Variants in SRBD1 observed in about 807,000 individuals in gnomAD.
SRBD1 encodes S1 RNA binding domain 1, also known as S1 RNA-binding domain-containing protein 1.
SRBD1 carries 88 observed loss-of-function variants against 115.3 expected under a neutral mutation model. The ratio of observed to expected loss-of-function variants is 0.76; its 90% CI spans 0.64 to 0.91. The LOEUF is 0.91. Ranked by LOEUF, SRBD1 falls within the 40% of genes least tolerant of loss-of-function variation. The pLI is 0.00. For synonymous variants in SRBD1, 509 were observed against 407.7 expected, an observed-to-expected ratio of 1.25 and a Z score of -2.99; for missense variants, 1,385 against 1,177.4, an observed-to-expected ratio of 1.18 and a Z score of -2.58.
intron 13 of SRBD1, 21 bp from the exon 14 acceptor site, chr2:45,546,860 G>A (rs755800111): frequency 1.9e-6 from 3 of 1,607,470 alleles, no homozygotes; most frequent in Non-Finnish European, 1.7e-6. Flanking sequence ...GAAACAGAAT[G>A]ACAAACTGAA....
At chr2:45,537,758 G>T (rs1671809846) in intron 14 of SRBD1, among the ~76,000 whole-genome samples, 2 of 152,162 alleles carry the variant, frequency 1.3e-5, no homozygotes, top group Non-Finnish European at 2.9e-5. Flanking sequence ...CCAAGTGGAA[G>T]GCGCTTTACT....
At chr2:45,415,676 G>C (rs1420435467) in intron 18 of SRBD1, among the ~76,000 whole-genome samples, 14 of 40,796 alleles carry the variant, frequency 3.4e-4, no homozygotes, top group East Asian at 1.3e-3. Context: ...GGGGAGGGGA[G>C]GGGAGGGGAC....
chr2:45,585,464 T>C, intron 5 of SRBD1, 144 bp downstream of exon 5: 2 of 867,896 alleles, frequency 2.3e-6, no homozygotes, highest in Non-Finnish European at 3.4e-6. Flanking sequence ...ATACACTCGC[T>C]AAATAAAGAG....
chr2:45,487,843 G>A (rs1034394021), intron 15 of SRBD1, among the ~76,000 whole-genome samples: 9 of 151,906 alleles, frequency 5.9e-5, no homozygotes, highest in Non-Finnish European at 8.8e-5. Context: ...TAGTAGAGAC[G>A]GAGTTTCACC....
chr2:45,499,678 T>TA (rs1373103174), intron 14 of SRBD1, among the ~76,000 whole-genome samples: 1 of 152,134 alleles, frequency 6.6e-6, no homozygotes, highest in Non-Finnish European at 1.5e-5. Context: ...TTATATATGG[T>TA]AAAAAACGGG....
intron 14 of SRBD1, among the ~76,000 whole-genome samples, chr2:45,509,983 C>T (rs1348633809): frequency 6.6e-6 from 1 of 152,166 alleles, no homozygotes; most frequent in Non-Finnish European, 1.5e-5. Flanking sequence ...GATCCTCTCA[C>T]CTTGGCCTCC....
intron 4 of SRBD1, among the ~76,000 whole-genome samples, chr2:45,590,033 C>A (rs1276351837): frequency 6.6e-6 from 1 of 152,184 alleles, no homozygotes; most frequent in East Asian, 1.9e-4. Context: ...TATTTCCAGG[C>A]AGCTAAACAG....
intron 14 of SRBD1, among the ~76,000 whole-genome samples, chr2:45,501,345 G>C (rs377729128): frequency 1.3e-5 from 2 of 152,202 alleles, no homozygotes; most frequent in East Asian, 1.9e-4. Context: ...GGCCAAATAG[G>C]AACAGCTCCA....
chr2:45,491,415 G>T (rs143767868), intron 14 of SRBD1, among the ~76,000 whole-genome samples: 1 of 152,288 alleles, frequency 6.6e-6, no homozygotes, highest in East Asian at 1.9e-4. Flanking sequence ...TGAAGCAGAT[G>T]ACTGAGCAGA....
At chr2:45,488,209 C>G in intron 15 of SRBD1, 31 bp downstream of exon 15, 1 of 1,585,298 alleles carries the variant, frequency 6.3e-7, no homozygotes. Context: ...ATCAAAATCA[C>G]ATGTTTTTGT....
chr2:45,438,563 A>C (rs145820163), intron 16 of SRBD1, among the ~76,000 whole-genome samples: 1,790 of 152,350 alleles, frequency 0.012, 16 homozygotes, highest in Middle Eastern at 0.027. Context: ...AGAATAAAGA[A>C]ATACAGCATC....
chr2:45,514,400 T>C (rs1466585498), intron 14 of SRBD1, among the ~76,000 whole-genome samples: 2 of 152,028 alleles, frequency 1.3e-5, no homozygotes, highest in Non-Finnish European at 2.9e-5. Flanking sequence ...CACAAGTGTA[T>C]GAGTATGAAC....
intron 16 of SRBD1, among the ~76,000 whole-genome samples, chr2:45,437,590 T>G (rs1668538481): frequency 6.6e-6 from 1 of 152,068 alleles, no homozygotes. Flanking sequence ...AAGACAGACA[T>G]GGTGGTACAT....
chr2:45,596,558 G>C (rs1005766565), intron 4 of SRBD1, among the ~76,000 whole-genome samples: 1 of 152,060 alleles, frequency 6.6e-6, no homozygotes. Context: ...CTTTAAGATG[G>C]TTTTTCTGAA....
chr2:45,599,418 A>T, intron 4 of SRBD1, 31 bp downstream of exon 4: 1 of 1,591,152 alleles, frequency 6.3e-7, no homozygotes, highest in Non-Finnish European at 8.6e-7. Context: ...CACTCAAAAC[A>T]ACTAAAGTGA....
chr2:45,436,234 A>G (rs1369189442), intron 16 of SRBD1, among the ~76,000 whole-genome samples: 1 of 152,220 alleles, frequency 6.6e-6, no homozygotes, highest in Non-Finnish European at 1.5e-5. Flanking sequence ...AATTCTCAAT[A>G]AACTAAGAAC....
chr2:45,464,522 G>GC (rs1272081419), intron 16 of SRBD1, among the ~76,000 whole-genome samples: 2 of 152,314 alleles, frequency 1.3e-5, no homozygotes, highest in African/African-American at 2.4e-5. Flanking sequence ...AGCTGTAAGT[G>GC]TCACCTCCAT....
intron 10 of SRBD1, among the ~76,000 whole-genome samples, chr2:45,554,537 A>G (rs544067106): frequency 2.0e-4 from 30 of 152,284 alleles, no homozygotes; most frequent in East Asian, 3.9e-4. Context: ...TCAGGCCACA[A>G]TGCTCTACCA....
At chr2:45,605,758 G>C (rs1450399712) in intron 1 of SRBD1, among the ~76,000 whole-genome samples, 3 of 152,062 alleles carry the variant, frequency 2.0e-5, no homozygotes, top group Non-Finnish European at 4.4e-5. Flanking sequence ...AGAAAAATTA[G>C]CCAGGTGTGG....
Sources: allele counts gnomAD v4.1 joint callset (sites outside exome capture counted in the v4.1 genomes callset), GRCh38; gene constraint gnomAD v4.1.1; transcripts MANE v1.5; gene names NCBI Gene and HGNC (gene_info 2026-07-23, HGNC 2026-07-21).